ATP10B: variants seen among roughly 807,000 people sequenced by gnomAD.
ATP10B encodes the protein phospholipid-transporting ATPase VB.
A neutral mutation model predicts 141.2 loss-of-function variants in ATP10B; 122 were observed. That is an observed-to-expected ratio of 0.86 (90% CI 0.75 to 1.00). ATP10B has a LOEUF of 1.00. ATP10B is among the 50% of genes least tolerant of loss of function. The probability of loss-of-function intolerance (pLI) is 0.00; values close to 1 mark genes in which losing one functional copy is unlikely to be tolerated. For missense variants in ATP10B, 1,876 were observed against 1,825.3 expected, an observed-to-expected ratio of 1.03 and a Z score of -0.51; for synonymous variants, 685 against 692.0, an observed-to-expected ratio of 0.99 and a Z score of 0.16.
chr5:160,847,200 T>C (rs1403661284), intron 1 of ATP10B, among the ~76,000 whole-genome samples: 1 of 152,206 alleles, frequency 6.6e-6, no homozygotes, highest in Non-Finnish European at 1.5e-5. Context: ...AAATCAAGTC[T>C]AATAGTTCCT....
At chr5:160,765,780 G>A (rs1223555644) in intron 2 of ATP10B, among the ~76,000 whole-genome samples, 1 of 151,984 alleles carries the variant, frequency 6.6e-6, no homozygotes, top group Non-Finnish European at 1.5e-5. Flanking sequence ...CCACAGAGTG[G>A]GAGAAAATAT....
At chr5:160,736,554 G>C (rs752311573) in intron 2 of ATP10B, among the ~76,000 whole-genome samples, 1 of 152,208 alleles carries the variant, frequency 6.6e-6, no homozygotes, top group African/African-American at 2.4e-5. Flanking sequence ...ATGAGGTCAG[G>C]AGTTCGCCCA....
chr5:160,613,039 G>C, intron 17 of ATP10B, 114 bp from the exon 18 acceptor site: 1 of 1,019,392 alleles, frequency 9.8e-7, no homozygotes, highest in East Asian at 2.6e-5. Context: ...ACTGTGCTAG[G>C]CTGTGTACCC....
chr5:160,894,519 G>T, the ATP10B span, among the ~76,000 whole-genome samples: 46 of 151,982 alleles, frequency 3.0e-4, no homozygotes, highest in African/African-American at 1.1e-3. Flanking sequence ...GAATGAGAAG[G>T]AACAAACAAA....
chr5:160,580,937 C>T (rs920150131), intron 24 of ATP10B, among the ~76,000 whole-genome samples: 13 of 152,056 alleles, frequency 8.5e-5, no homozygotes, highest in African/African-American at 3.1e-4. Context: ...TTTTCCAGTA[C>T]ATTTGTGTAG....
chr5:160,720,645 T>C (rs1174316055), intron 2 of ATP10B, among the ~76,000 whole-genome samples: 1 of 152,260 alleles, frequency 6.6e-6, no homozygotes, highest in African/African-American at 2.4e-5. Context: ...CACAGTTTTC[T>C]GGAAGATTCT....
chr5:160,919,076 T>A, the ATP10B span, among the ~76,000 whole-genome samples: 1 of 148,922 alleles, frequency 6.7e-6, no homozygotes, highest in Non-Finnish European at 1.5e-5. Context: ...ATACAAAAAT[T>A]AGCCGGGCAT....
At chr5:160,603,239 G>A (rs1443497516) in intron 20 of ATP10B, 1 of 155,104 alleles carries the variant, frequency 6.4e-6, no homozygotes, top group Admixed American at 6.3e-5. Flanking sequence ...CTGTTTATAA[G>A]TCCTGGTATA....
chr5:160,584,894 T>A (rs1046913288), intron 24 of ATP10B, among the ~76,000 whole-genome samples: 2 of 152,206 alleles, frequency 1.3e-5, no homozygotes, highest in Admixed American at 1.3e-4. Flanking sequence ...TACTCCATTG[T>A]CTCCTGGCTT....
In ATP10B at chr5:160,566,986, A is replaced by G. The variant is rs566109877; in HGVS notation, c.3939-1086T>C. On this transcript the variant is annotated intron_variant, in intron 25 of 25. Coordinates refer to ENST00000327245, the MANE Select transcript of ATP10B (RefSeq NM_025153.3). ...TGGGCAAGAGATTTCTGAAAATTAC[A>G]GTGGATCTCATGGAACCAGATAAAC... 7.9e-5 allele frequency among the ~76,000 whole-genome samples: 12 copies of G among 152,298 alleles called. No individual in the cohort carries two copies. In the South Asian group the frequency reaches 2.3e-3, roughly 29 times the overall value.
intron 13 of ATP10B, among the ~76,000 whole-genome samples, chr5:160,623,375 C>T (rs1165492247): frequency 2.0e-5 from 3 of 152,094 alleles, no homozygotes; most frequent in African/African-American, 7.2e-5. Flanking sequence ...GAGTAGAGGA[C>T]ATTATGGGGT....
intron 1 of ATP10B, among the ~76,000 whole-genome samples, chr5:160,825,969 T>G (rs1204414856): frequency 6.6e-6 from 1 of 152,192 alleles, no homozygotes; most frequent in Non-Finnish European, 1.5e-5. Flanking sequence ...TCATCCACTT[T>G]GCTGCAAAGA....
intron 23 of ATP10B, among the ~76,000 whole-genome samples, chr5:160,590,345 C>T (rs1561631856): frequency 6.6e-6 from 1 of 152,066 alleles, no homozygotes; most frequent in Admixed American, 6.6e-5. Flanking sequence ...ACACAAGATC[C>T]CTGCCTCCCC....
chr5:160,872,064 G>C, the ATP10B span, among the ~76,000 whole-genome samples: 1 of 151,956 alleles, frequency 6.6e-6, no homozygotes, highest in Non-Finnish European at 1.5e-5. Context: ...CTACTATTTT[G>C]ATTCTTGAAT....
intron 18 of ATP10B, chr5:160,612,468 G>A: frequency 3.5e-6 from 1 of 282,040 alleles, no homozygotes; most frequent in South Asian, 7.6e-5. Context: ...GGGGAGACTA[G>A]ACCAATAGTA....
chr5:160,827,562 G>A (rs1301929350), intron 1 of ATP10B, among the ~76,000 whole-genome samples: 1 of 152,130 alleles, frequency 6.6e-6, no homozygotes, highest in African/African-American at 2.4e-5. Flanking sequence ...CAGATGCACA[G>A]TTTACAAATA....
chr5:160,653,638 AC>A (rs1299517445), intron 7 of ATP10B, among the ~76,000 whole-genome samples: 77 of 83,062 alleles, frequency 9.3e-4, no homozygotes, highest in African/African-American at 3.3e-3. Flanking sequence ...ATACATATAT[AC>A]ATATATATTA....
intron 3 of ATP10B, among the ~76,000 whole-genome samples, chr5:160,694,425 C>G (rs2127753901): frequency 6.6e-6 from 1 of 152,320 alleles, no homozygotes; most frequent in South Asian, 2.1e-4. Flanking sequence ...CAGATCACCT[C>G]AGGCTTGAAG....
At chr5:160,599,166 A>G (rs1756934403) in intron 21 of ATP10B, among the ~76,000 whole-genome samples, 196 bp from the exon 22 acceptor site, 1 of 152,220 alleles carries the variant, frequency 6.6e-6, no homozygotes, top group Non-Finnish European at 1.5e-5. Flanking sequence ...TGCTACTAAC[A>G]TTCTTCAGGA....
Sources: allele counts gnomAD v4.1 joint callset (sites outside exome capture counted in the v4.1 genomes callset), GRCh38; gene constraint gnomAD v4.1.1; transcripts MANE v1.5; gene names NCBI Gene and HGNC (gene_info 2026-07-23, HGNC 2026-07-21).